PYGO1: variants seen among roughly 807,000 people sequenced by gnomAD.
PYGO1 encodes pygopus family PHD finger 1, also known as pygopus homolog 1.
In PYGO1, 6 loss-of-function variants were observed where a neutral mutation model predicts 29.5. That is an observed-to-expected ratio of 0.20 (90% CI 0.11 to 0.40). PYGO1 has a LOEUF of 0.40. Ranked by LOEUF, PYGO1 falls within the 10% of genes least tolerant of loss-of-function variation. PYGO1 has a pLI of 1.00. For synonymous variants in PYGO1, 186 were observed against 180.5 expected (o/e 1.03, Z -0.24); for missense variants, 515 against 514.9 (o/e 1.00, Z 0.00).
intron 1 of PYGO1, among the ~76,000 whole-genome samples, chr15:55,585,426 TC>T: frequency 6.6e-6 from 1 of 152,014 alleles, no homozygotes. Flanking sequence ...AACAAAAAGC[TC>T]CAGGGCAATG....
At chr15:55,550,288 C>A (rs2058873235) in intron 1 of PYGO1, among the ~76,000 whole-genome samples, 1 of 152,186 alleles carries the variant, frequency 6.6e-6, no homozygotes, top group Non-Finnish European at 1.5e-5. Flanking sequence ...CTTAGTGACA[C>A]TGGAACTGGG....
At chr15:55,554,028 A>G (rs1026349274) in intron 1 of PYGO1, among the ~76,000 whole-genome samples, 1 of 152,204 alleles carries the variant, frequency 6.6e-6, no homozygotes, top group Non-Finnish European at 1.5e-5. Context: ...AACCCCATCC[A>G]AAGGTCAGCA....
In PYGO1 at chr15:55,557,105, TAAAGAAG is replaced by T. The variant is rs541831614; in HGVS notation, c.50-8117_50-8111del. 1.5e-3 allele frequency among the ~76,000 whole-genome samples: 228 copies of T among 150,500 alleles called. 1 individual carries two copies. Among genetic ancestry groups the T allele is most frequent in the Middle Eastern group, 0.01 (3 of 286 alleles). ...AAGAAATGAAAAGGAGGACGACTAA[TAAAGAAG>T]AAAAGAGAGAAAAATCAAATAGGCG... On this transcript the variant is annotated intron_variant, in intron 1 of 2. Coordinates refer to ENST00000563719, the MANE Select transcript of PYGO1 (RefSeq NM_001367806.1).
At position 55,545,053 on chromosome 15, in the gene PYGO1, T is replaced by C. The variant is rs1415985114; in HGVS notation, c.*970A>G. On this transcript the variant is annotated 3_prime_UTR_variant, in exon 3 of 3. Coordinates refer to ENST00000563719, the MANE Select transcript of PYGO1 (RefSeq NM_001367806.1). Reference sequence around the variant, plus strand: ...TTTTGATCTCCCCTAGGGTTCATTTTTGAAATTCAGATCCCCAGAACAAGA... The same window carrying C: ...TTTTGATCTCCCCTAGGGTTCATTTCTGAAATTCAGATCCCCAGAACAAGA... 1 of 152,192 alleles carries C rather than the reference T, an allele frequency of 6.6e-6. No individual in the cohort carries two copies. The highest frequency in any genetic ancestry group is 6.5e-5 in the Admixed American group (1 of 15,268). 9.4% of individuals were successfully genotyped at this position (152,192 alleles called of 1,614,324 possible). A position where few individuals can be genotyped will look rare whatever the true frequency, so the allele number is the denominator to read the frequency against.
intron 1 of PYGO1, among the ~76,000 whole-genome samples, chr15:55,578,655 T>C (rs1427245101): frequency 6.6e-6 from 1 of 152,238 alleles, no homozygotes; most frequent in Non-Finnish European, 1.5e-5. Context: ...TATCTTTTCT[T>C]TGGAGAAATG....
intron 2 of PYGO1, 31 bp from the exon 3 acceptor site, chr15:55,547,178 TTTTCGATCAAATACATTA>T: frequency 6.6e-7 from 1 of 1,518,368 alleles, no homozygotes; most frequent in Non-Finnish European, 8.9e-7. Flanking sequence ...AAAATACATG[TTTTCGATCAAATACATTA>T]TTAAAATTGT....
chr15:55,587,393 G>A (rs1384560824), intron 1 of PYGO1, among the ~76,000 whole-genome samples: 1 of 148,374 alleles, frequency 6.7e-6, no homozygotes, highest in Non-Finnish European at 1.5e-5. Context: ...CGAGAAGGGG[G>A]CCAGGAGAGA....
At chr15:55,572,573 T>C (rs9972557) in intron 1 of PYGO1, among the ~76,000 whole-genome samples, 1 of 152,086 alleles carries the variant, frequency 6.6e-6, no homozygotes, top group Non-Finnish European at 1.5e-5. Context: ...AAACTAAAAG[T>C]CTTCTGCACA....
chr15:55,588,965 G>T, upstream of PYGO1: 19 of 774,066 alleles, frequency 2.5e-5, no homozygotes, highest in Middle Eastern at 2.7e-4. Context: ...AAAGAGCGAC[G>T]TAGAATAAAT....
At chr15:55,564,931 T>A (rs1305769569) in intron 1 of PYGO1, among the ~76,000 whole-genome samples, 1 of 152,150 alleles carries the variant, frequency 6.6e-6, no homozygotes, top group Non-Finnish European at 1.5e-5. Context: ...GTTGTAGGAT[T>A]AACATCCTAC....
intron 1 of PYGO1, among the ~76,000 whole-genome samples, chr15:55,562,037 G>C (rs773544579): frequency 6.6e-6 from 1 of 152,006 alleles, no homozygotes; most frequent in Non-Finnish European, 1.5e-5. Flanking sequence ...CAAAGGACAT[G>C]AACAGACACT....
At chr15:55,554,488 A>G (rs932579191) in intron 1 of PYGO1, among the ~76,000 whole-genome samples, 1 of 146,002 alleles carries the variant, frequency 6.8e-6, no homozygotes, top group African/African-American at 2.7e-5. Context: ...AAAAAAAAAA[A>G]AAAAAGAAAG....
chr15:55,563,794 G>A (rs1452321030), intron 1 of PYGO1, among the ~76,000 whole-genome samples: 1 of 152,076 alleles, frequency 6.6e-6, no homozygotes, highest in African/African-American at 2.4e-5. Flanking sequence ...ATACACAAAT[G>A]GCCAAGAAAC....
rs369557247 is a variant in PYGO1, at chr15:55,574,825, T to C, written c.49+13010A>G. 1.9e-4 allele frequency among the ~76,000 whole-genome samples: 29 copies of C among 152,362 alleles called. 1 individual carries two copies. The South Asian group carries it at 5.2e-3, about 27-fold the overall frequency. On this transcript the variant is annotated intron_variant, in intron 1 of 2. Transcript: ENST00000563719. Reference sequence around the variant, plus strand: ...GAATTAAATTGAGTCCAAGTATCTTTGTTTTTGTTCGTTCCTTCATTTGCT... The same window carrying C: ...GAATTAAATTGAGTCCAAGTATCTTCGTTTTTGTTCGTTCCTTCATTTGCT...
At chr15:55,585,633 G>A (rs57530174) in intron 1 of PYGO1, among the ~76,000 whole-genome samples, 8,829 of 152,012 alleles carry the variant, frequency 0.058, 489 homozygotes, top group East Asian at 0.16. Flanking sequence ...AGCTGACACC[G>A]GAGCCAACCC....
chr15:55,586,090 C>G (rs1246236040), intron 1 of PYGO1, among the ~76,000 whole-genome samples: 1 of 152,166 alleles, frequency 6.6e-6, no homozygotes, highest in African/African-American at 2.4e-5. Context: ...CAAGCTAGTT[C>G]TATACATGTT....
rs1324088652 is a variant in PYGO1 at position 55,549,014 on chromosome 15, A to G, written c.50-19T>C. ...TCACCACCTAAAAAAAAAAAAATTC[A>G]GGTAATATTTCCCACTTGTAAGTGA... is the stretch of plus-strand genomic sequence containing the variant. On this transcript the variant is annotated intron_variant, in intron 1 of 2. Coordinates refer to ENST00000563719, the MANE Select transcript of PYGO1 (RefSeq NM_001367806.1). The G allele has an allele frequency of 1.9e-6, 3 of 1,566,478 alleles. No individual in the cohort carries two copies. The highest frequency in any genetic ancestry group is 2.6e-6 in the Non-Finnish European group (3 of 1,149,506).
At chr15:55,554,468 C>CAAAAAAAAAAAAAAAAAAAAAAAAAAAAA (rs56216226) in intron 1 of PYGO1, among the ~76,000 whole-genome samples, 2 of 122,898 alleles carry the variant, frequency 1.6e-5, no homozygotes, top group Admixed American at 8.4e-5. Flanking sequence ...GACTCTGTCT[C>CAAAAAAAAAAAAAAAAAAAAAAAAAAAAA]AAAAAAAAAA....
intron 1 of PYGO1, among the ~76,000 whole-genome samples, chr15:55,551,512 T>A (rs1231570667): frequency 1.3e-5 from 2 of 152,060 alleles, no homozygotes; most frequent in African/African-American, 4.8e-5. Flanking sequence ...AGAATACAGA[T>A]GTGGCCGAGT....
Sources: allele counts gnomAD v4.1 joint callset (sites outside exome capture counted in the v4.1 genomes callset), GRCh38; gene constraint gnomAD v4.1.1; transcripts MANE v1.5; gene names NCBI Gene and HGNC (gene_info 2026-07-23, HGNC 2026-07-21).